The following CCDC33 variants were observed in gnomAD, a reference collection of about 807,000 sequenced individuals.
The protein encoded by CCDC33 is coiled-coil domain-containing protein 33.
A neutral mutation model predicts 91.9 loss-of-function variants in CCDC33; 94 were observed. That is an observed-to-expected ratio of 1.02 (90% confidence interval 0.87 to 1.21). CCDC33 has a LOEUF of 1.21. CCDC33 is among the 50% of genes most tolerant of loss of function. The pLI is 0.00. For missense variants in CCDC33, 940 were observed against 935.5 expected (o/e 1.00, Z -0.06); for synonymous variants, 396 against 374.5 (o/e 1.06, Z -0.66).
rs1445112521 is a variant in CCDC33 at position 74,330,251 on chromosome 15, A to G, written c.1353A>G (p.Arg451=). Residue 451 remains arginine (R), a synonymous_variant, in exon 12 of 19, where the codon AGA becomes AGG. Coordinates refer to ENST00000398814, the MANE Select transcript of CCDC33 (RefSeq NM_025055.5). Reference sequence around the variant, plus strand: ...CAGAGGACATCCTGTCTCTGCGGAGACAGGCCAGCATCCTGGAAGGAGAGA... The same window carrying G: ...CAGAGGACATCCTGTCTCTGCGGAGGCAGGCCAGCATCCTGGAAGGAGAGA... ...KMAEDILSLR[R]QASILEGENR... is the part of the protein sequence containing the mutation. The G allele has an allele frequency of 1.2e-6, 2 of 1,612,744 alleles. No individual in the cohort carries two copies. The highest frequency in any genetic ancestry group is 4.5e-5 in the East Asian group (2 of 44,826).
At chr15:74,296,727 G>A (rs969559929) in intron 11 of CCDC33, among the ~76,000 whole-genome samples, 1 of 152,220 alleles carries the variant, frequency 6.6e-6, no homozygotes, top group African/African-American at 2.4e-5. Flanking sequence ...TGCTGGTTGA[G>A]CAGATGCTCA....
intron 11 of CCDC33, among the ~76,000 whole-genome samples, chr15:74,326,104 C>T (rs979523573): frequency 2.0e-5 from 3 of 152,144 alleles, no homozygotes; most frequent in Non-Finnish European, 2.9e-5. Context: ...GTAGGAGGAT[C>T]TCTTGAGGCT....
chr15:74,311,006 G>A lies in CCDC33; in HGVS notation c.1290+15058G>A, dbSNP rs550904738. ...GTGGTTTTCCGCAACACAGGGCTGG[G>A]GAGGAGGCTTGTGGCCTAGGCTGGA... On this transcript the variant is annotated intron_variant, in intron 11 of 18. Coordinates refer to ENST00000398814, the MANE Select transcript of CCDC33 (RefSeq NM_025055.5). Among the ~76,000 whole-genome samples, 6 of 152,314 alleles carry A rather than the reference G, an allele frequency of 3.9e-5. No homozygotes were observed. In the South Asian group the frequency reaches 1.2e-3, roughly 32 times the overall value.
At chr15:74,256,571 G>A (rs2075871787) in intron 2 of CCDC33, among the ~76,000 whole-genome samples, 1 of 152,126 alleles carries the variant, frequency 6.6e-6, no homozygotes, top group Non-Finnish European at 1.5e-5. Flanking sequence ...GTGACTGACA[G>A]GTCCACCCAT....
intron 2 of CCDC33, among the ~76,000 whole-genome samples, chr15:74,225,450 G>A (rs1293997620): frequency 7.0e-6 from 1 of 143,108 alleles, no homozygotes; most frequent in African/African-American, 2.7e-5. Context: ...TGGATGCTGC[G>A]ACACACAAGG....
At chr15:74,240,921 A>C (rs2075327804) in intron 1 of CCDC33, among the ~76,000 whole-genome samples, 1 of 152,150 alleles carries the variant, frequency 6.6e-6, no homozygotes, top group South Asian at 2.1e-4. Flanking sequence ...TTTTGCCCTG[A>C]GGCTGCCAGC....
At position 74,273,674 on chromosome 15, in the gene CCDC33, G is replaced by A. The variant is rs940356001; in HGVS notation, c.759+783G>A. Among the ~76,000 whole-genome samples the A allele has an allele frequency of 3.3e-5, 5 of 151,654 alleles. No individual in the cohort carries two copies. The South Asian group carries it at 6.3e-4, about 19-fold the overall frequency. On this transcript the variant is annotated intron_variant, in intron 7 of 18. Coordinates refer to ENST00000398814, the MANE Select transcript of CCDC33 (RefSeq NM_025055.5). ...AGTAGAGACAGGGTTTCACCATGTC[G>A]GCCAGGCTGGTCTCGAACTCCTGAC...
At chr15:74,302,355 A>G (rs1410601045) in intron 11 of CCDC33, 1 of 152,216 alleles carries the variant, frequency 6.6e-6, no homozygotes, top group East Asian at 1.9e-4. Context: ...AGTGTGCCAG[A>G]GGTGGGCTCG....
chr15:74,261,551 G>A (rs191084068), intron 2 of CCDC33, among the ~76,000 whole-genome samples: 6 of 152,314 alleles, frequency 3.9e-5, no homozygotes, highest in African/African-American at 1.2e-4. Context: ...AAGGTGTGTG[G>A]TGTGGCTCCC....
At chr15:74,303,282 C>G (rs1392028268) in intron 11 of CCDC33, 2 of 152,402 alleles carry the variant, frequency 1.3e-5, no homozygotes, top group Non-Finnish European at 2.9e-5. Flanking sequence ...AGCAGCCCCC[C>G]CAGGGCCACT....
chr15:74,284,383 G>T (rs2059432141), intron 10 of CCDC33, among the ~76,000 whole-genome samples: 1 of 152,132 alleles, frequency 6.6e-6, no homozygotes, highest in African/African-American at 2.4e-5. Context: ...CTCCCTAAGG[G>T]ATGGCAGGAA....
intron 2 of CCDC33, among the ~76,000 whole-genome samples, chr15:74,222,482 A>C (rs1339689926): frequency 6.6e-6 from 1 of 150,762 alleles, no homozygotes; most frequent in African/African-American, 2.4e-5. Flanking sequence ...TTCGTTTCCC[A>C]GGAGCCTTTT....
chr15:74,288,042 C>T (rs1044924382), intron 10 of CCDC33, among the ~76,000 whole-genome samples: 5 of 152,222 alleles, frequency 3.3e-5, no homozygotes, highest in Non-Finnish European at 7.3e-5. Flanking sequence ...AACTCCCATG[C>T]TGCCCACTTC....
chr15:74,275,336 A>G (rs1476847037), intron 7 of CCDC33, among the ~76,000 whole-genome samples: 5 of 152,226 alleles, frequency 3.3e-5, no homozygotes, highest in Non-Finnish European at 7.3e-5. Context: ...GTCCAGGCCC[A>G]GGGTCCAAGG....
chr15:74,333,397 C>A, intron 16 of CCDC33: 1 of 1,067,066 alleles, frequency 9.4e-7, no homozygotes, highest in Non-Finnish European at 1.4e-6. Context: ...CCTTGCTTTA[C>A]ATAAACCCCA....
At chr15:74,207,641 G>A in intron 1 of CCDC33, 2 of 1,478,570 alleles carry the variant, frequency 1.4e-6, no homozygotes, top group Non-Finnish European at 9.1e-7. Flanking sequence ...CGATAGCACG[G>A]AAGAGAACAC....
At chr15:74,264,139 A>ATTGCAGAT (rs1700018843) in intron 3 of CCDC33, among the ~76,000 whole-genome samples, 1 of 134,486 alleles carries the variant, frequency 7.4e-6, no homozygotes. Flanking sequence ...CAGGCATCTC[A>ATTGCAGAT]TTGCAGATTG....
intron 1 of CCDC33, among the ~76,000 whole-genome samples, chr15:74,204,530 C>T (rs2074212438): frequency 6.6e-6 from 1 of 152,234 alleles, no homozygotes; most frequent in Admixed American, 6.5e-5. Context: ...AGCCAACTCC[C>T]ATCTGATTTT....
intron 15 of CCDC33, 88 bp downstream of exon 15, chr15:74,331,384 G>A: frequency 7.4e-7 from 1 of 1,360,468 alleles, no homozygotes; most frequent in Non-Finnish European, 1.0e-6. Context: ...AGCTTCAGGA[G>A]AACCTGCGAA....
Sources: allele counts gnomAD v4.1 joint callset (sites outside exome capture counted in the v4.1 genomes callset), GRCh38; gene constraint gnomAD v4.1.1; transcripts MANE v1.5; gene names NCBI Gene and HGNC (gene_info 2026-07-23, HGNC 2026-07-21).